The following CDH12 variants were observed in gnomAD, a reference collection of about 807,000 sequenced individuals.
The protein encoded by CDH12 is cadherin 12, also known as cadherin-12.
A neutral mutation model predicts 74.1 loss-of-function variants in CDH12; 41 were observed. That is an observed-to-expected ratio of 0.55 (90% confidence interval 0.43 to 0.72). The LOEUF is 0.72. Ranked by LOEUF, CDH12 falls within the 30% of genes least tolerant of loss-of-function variation. The pLI is 0.00. For missense variants in CDH12, 945 were observed against 977.2 expected, an observed-to-expected ratio of 0.97 and a Z score of 0.44; for synonymous variants, 399 against 355.0, an observed-to-expected ratio of 1.12 and a Z score of -1.39.
intron 5 of CDH12, among the ~76,000 whole-genome samples, chr5:22,044,406 G>C (rs747492579): frequency 5.3e-5 from 8 of 152,172 alleles, no homozygotes; most frequent in Non-Finnish European, 1.0e-4. Flanking sequence ...GGGGAAGTGA[G>C]GCATGTCTTA....
intron 3 of CDH12, among the ~76,000 whole-genome samples, chr5:22,375,339 T>G (rs1435967746): frequency 6.6e-6 from 1 of 152,060 alleles, no homozygotes; most frequent in African/African-American, 2.4e-5. Context: ...ACTATAAAAT[T>G]ATTAGAAAAA....
intron 2 of CDH12, among the ~76,000 whole-genome samples, chr5:22,473,903 T>C (rs1385893805): frequency 6.6e-6 from 1 of 152,138 alleles, no homozygotes; most frequent in Non-Finnish European, 1.5e-5. Context: ...AATCTGAGTA[T>C]AGAATAAAAC....
intron 1 of CDH12, among the ~76,000 whole-genome samples, chr5:22,833,096 AG>A (rs1736689309): frequency 6.6e-6 from 1 of 152,174 alleles, no homozygotes; most frequent in South Asian, 2.1e-4. Flanking sequence ...CTGCTTTTCA[AG>A]GTTTCCCCAG....
intron 6 of CDH12, among the ~76,000 whole-genome samples, chr5:21,930,616 A>G (rs971498211): frequency 2.0e-5 from 3 of 152,146 alleles, no homozygotes; most frequent in Non-Finnish European, 4.4e-5. Flanking sequence ...GGTGATTTTT[A>G]TTAGAATATT....
At chr5:22,063,066 T>C (rs1031272761) in intron 5 of CDH12, among the ~76,000 whole-genome samples, 1 of 152,158 alleles carries the variant, frequency 6.6e-6, no homozygotes, top group East Asian at 1.9e-4. Flanking sequence ...GGTGATACAA[T>C]TTGCATTTTT....
intron 1 of CDH12, among the ~76,000 whole-genome samples, chr5:22,753,018 G>C (rs1273446496): frequency 6.6e-6 from 1 of 152,096 alleles, no homozygotes; most frequent in Non-Finnish European, 1.5e-5. Flanking sequence ...CGTAGGGAAG[G>C]CAGCTTCAAT....
intron 2 of CDH12, among the ~76,000 whole-genome samples, chr5:22,489,670 T>C (rs961412832): frequency 1.3e-5 from 2 of 151,608 alleles, no homozygotes; most frequent in African/African-American, 4.8e-5. Flanking sequence ...AACTGCTTTG[T>C]GATGCCTTGT....
chr5:22,515,574 G>T (rs1337060031), intron 1 of CDH12, among the ~76,000 whole-genome samples: 2 of 151,988 alleles, frequency 1.3e-5, no homozygotes, highest in African/African-American at 4.8e-5. Flanking sequence ...TTTAGAAATG[G>T]AAGGGAGAGC....
At chr5:22,343,371 A>C (rs1739974375) in intron 3 of CDH12, among the ~76,000 whole-genome samples, 1 of 147,092 alleles carries the variant, frequency 6.8e-6, no homozygotes, top group Non-Finnish European at 1.5e-5. Flanking sequence ...GAGAACACAG[A>C]CTAAAAGCTG....
intron 4 of CDH12, among the ~76,000 whole-genome samples, chr5:22,173,494 C>A (rs1327609961): frequency 6.7e-6 from 1 of 149,640 alleles, no homozygotes; most frequent in African/African-American, 2.4e-5. Context: ...CTTTAGATAT[C>A]TAACCCTTAT....
intron 8 of CDH12, among the ~76,000 whole-genome samples, chr5:21,823,575 T>C (rs1748488308): frequency 6.6e-6 from 1 of 152,114 alleles, no homozygotes; most frequent in African/African-American, 2.4e-5. Context: ...TACTATAAAT[T>C]ATGATCATTA....
At chr5:22,846,795 G>T (rs1287325839) in intron 1 of CDH12, among the ~76,000 whole-genome samples, 1 of 152,100 alleles carries the variant, frequency 6.6e-6, no homozygotes, top group African/African-American at 2.4e-5. Flanking sequence ...GGAGGTGTGT[G>T]TAAACCTCTG....
intron 1 of CDH12, among the ~76,000 whole-genome samples, chr5:22,842,129 C>A (rs1737106340): frequency 6.6e-6 from 1 of 152,116 alleles, no homozygotes; most frequent in African/African-American, 2.4e-5. Flanking sequence ...ATCCATGGAA[C>A]TAGTACTGCC....
chr5:22,839,121 T>C (rs940648863), intron 1 of CDH12, among the ~76,000 whole-genome samples: 1 of 152,202 alleles, frequency 6.6e-6, no homozygotes, highest in Admixed American at 6.5e-5. Flanking sequence ...GCTTTCTTGA[T>C]GTAGCATAGA....
intron 1 of CDH12, among the ~76,000 whole-genome samples, chr5:22,586,905 G>A (rs1740433502): frequency 7.0e-6 from 1 of 142,152 alleles, no homozygotes; most frequent in Non-Finnish European, 1.5e-5. Flanking sequence ...GGAGTGCAAT[G>A]GTGTGGTCTC....
chr5:22,199,535 C>T (rs1201488356), intron 4 of CDH12, among the ~76,000 whole-genome samples: 1 of 152,166 alleles, frequency 6.6e-6, no homozygotes, highest in African/African-American at 2.4e-5. Context: ...CGCTGCTTAC[C>T]TCTGGGCTGA....
intron 6 of CDH12, among the ~76,000 whole-genome samples, chr5:21,948,628 G>T (rs1755685469): frequency 1.3e-5 from 2 of 152,014 alleles, no homozygotes; most frequent in South Asian, 4.2e-4. Flanking sequence ...CTGCTGAAAT[G>T]ATTTAAGACT....
At position 22,239,523 on chromosome 5, in the gene CDH12, G is replaced by A. The variant is rs184989064; in HGVS notation, c.-332-26880C>T. Among the ~76,000 whole-genome samples, 189 of 152,150 alleles carry A rather than the reference G, an allele frequency of 1.2e-3. 2 individuals carry two copies. The highest frequency in any genetic ancestry group is 9.6e-3 in the Admixed American group (146 of 15,276). ...TAAAATACATGAAAATTAAAATTATGATTGAAAGATTCACTGCATTTTAGG... is the reference window on the plus strand; with the variant it reads ...TAAAATACATGAAAATTAAAATTATAATTGAAAGATTCACTGCATTTTAGG... On this transcript the variant is annotated intron_variant, in intron 3 of 14. Coordinates refer to ENST00000382254, the MANE Select transcript of CDH12 (RefSeq NM_004061.5).
chr5:22,383,897 T>C (rs1361494040), intron 3 of CDH12, among the ~76,000 whole-genome samples: 1 of 152,102 alleles, frequency 6.6e-6, no homozygotes, highest in Non-Finnish European at 1.5e-5. Flanking sequence ...ATCTCCCTCT[T>C]TTGGTAACTT....
Sources: gnomAD v4.1 joint callset for allele counts (sites outside exome capture counted in the v4.1 genomes callset) on GRCh38, gnomAD v4.1.1 for gene constraint, MANE v1.5 for transcripts, NCBI Gene and HGNC (gene_info 2026-07-23, HGNC 2026-07-21) for gene names.